The following NCOR2 variants were observed in gnomAD, a reference collection of about 807,000 sequenced individuals.
The protein encoded by NCOR2 is CTG repeat protein 26.
A neutral mutation model predicts 262.9 loss-of-function variants in NCOR2; 81 were observed. That is an observed-to-expected ratio of 0.31 (90% confidence interval 0.26 to 0.37). NCOR2 has a LOEUF of 0.37. Ranked by LOEUF, NCOR2 falls within the 10% of genes least tolerant of loss-of-function variation. NCOR2 has a pLI of 1.00. For synonymous variants in NCOR2, 1,659 were observed against 1,559.3 expected (o/e 1.06, Z -1.51); for missense variants, 3,385 against 3,621.4 (o/e 0.93, Z 1.68).
At chr12:124,423,064 G>T (rs1220408990) in intron 11 of NCOR2, among the ~76,000 whole-genome samples, 1 of 152,222 alleles carries the variant, frequency 6.6e-6, no homozygotes, top group African/African-American at 2.4e-5. Context: ...GCAGGAGGGG[G>T]CTGGCCAGCC....
chr12:124,445,938 C>T lies in NCOR2; in HGVS notation c.815+3877G>A, dbSNP rs142300583. ...ACGTCTGAAACTGAGCCCTAGAGGGCAAGTGACTTCCCACAGGGACACACA... is the reference window on the plus strand; with the variant it reads ...ACGTCTGAAACTGAGCCCTAGAGGGTAAGTGACTTCCCACAGGGACACACA... On this transcript the variant is annotated intron_variant, in intron 7 of 46. Coordinates refer to ENST00000405201, the Ensembl canonical transcript of NCOR2. 3.6e-3 allele frequency among the ~76,000 whole-genome samples: 556 copies of T among 152,332 alleles called. 2 individuals carry two copies. Among genetic ancestry groups the T allele is most frequent in the African/African-American group, 0.013 (530 of 41,576 alleles).
rs1031384417 is a variant in NCOR2, at chr12:124,517,740, G to T, written c.-118+17825C>A. On this transcript the variant is annotated intron_variant, in intron 1 of 46. Transcript: ENST00000404621. The surrounding 1 kb of genome is among the most constrained non-coding windows in gnomAD (Gnocchi z 7.6). Reference sequence around the variant, plus strand: ...GGAGAGGAGCACAGTGCCCACCCGGGTCCCCTCCCACGCGGGCCGGCCAAG... The same window carrying T: ...GGAGAGGAGCACAGTGCCCACCCGGTTCCCCTCCCACGCGGGCCGGCCAAG... Among the ~76,000 whole-genome samples, 1 of 152,220 alleles carries T rather than the reference G, an allele frequency of 6.6e-6. No individual in the cohort carries two copies. Among genetic ancestry groups the T allele is most frequent in the Non-Finnish European group, 1.5e-5 (1 of 68,028 alleles).
At chr12:124,446,297 C>T (rs1381053723) in intron 7 of NCOR2, among the ~76,000 whole-genome samples, 1 of 152,224 alleles carries the variant, frequency 6.6e-6, no homozygotes, top group Non-Finnish European at 1.5e-5. Flanking sequence ...ACCCCCAGGT[C>T]CTTCCTCCCT....
At chr12:124,427,152 C>T (rs910763273) in intron 10 of NCOR2, among the ~76,000 whole-genome samples, 2 of 152,082 alleles carry the variant, frequency 1.3e-5, no homozygotes, top group Admixed American at 6.5e-5. Context: ...GCCCAGGGAG[C>T]CCGGGAGACA....
chr12:124,400,044 C>T (rs1483715063), intron 15 of NCOR2, among the ~76,000 whole-genome samples: 3 of 152,144 alleles, frequency 2.0e-5, no homozygotes, highest in African/African-American at 7.2e-5. Context: ...CGGCTCCCAA[C>T]AACAGCCACC....
intron 13 of NCOR2, among the ~76,000 whole-genome samples, chr12:124,416,263 CA>C (rs2042853558): frequency 6.6e-6 from 1 of 152,160 alleles, no homozygotes; most frequent in South Asian, 2.1e-4. Flanking sequence ...CAAAAATGAG[CA>C]AAAGAAAGAG....
intron 27 of NCOR2, among the ~76,000 whole-genome samples, chr12:124,351,998 C>T (rs751598596): frequency 2.0e-5 from 3 of 152,210 alleles, no homozygotes; most frequent in Admixed American, 6.5e-5. Flanking sequence ...AGATCCTGGT[C>T]TTTGCGGAGG....
intron 27 of NCOR2, among the ~76,000 whole-genome samples, chr12:124,352,801 T>A (rs759318287): frequency 1.3e-5 from 2 of 152,218 alleles, no homozygotes; most frequent in Admixed American, 6.5e-5. Context: ...AAGCTTCTGT[T>A]TGCATAACGT....
At chr12:124,346,497 G>A (rs2036944660) in intron 31 of NCOR2, 67 bp downstream of exon 33, 16 of 1,420,052 alleles carry the variant, frequency 1.1e-5, no homozygotes, top group Non-Finnish European at 1.5e-5. Flanking sequence ...AGAGGCCCAG[G>A]GCAGTGCCCC....
intron 37 of NCOR2, among the ~76,000 whole-genome samples, chr12:124,337,552 G>A (rs1293667367): frequency 1.3e-5 from 2 of 152,222 alleles, no homozygotes. Context: ...ACTGTGTGGA[G>A]GTAGTCAATG....
At chr12:124,501,060 G>GCGCACGCA (rs1555232701) in intron 1 of NCOR2, among the ~76,000 whole-genome samples, 1 of 48,824 alleles carries the variant, frequency 2.0e-5, no homozygotes, top group African/African-American at 5.9e-5. Flanking sequence ...GCGCGCACGC[G>GCGCACGCA]CGCACACACA....
At chr12:124,521,150 C>T (rs1404609112) in intron 1 of NCOR2, among the ~76,000 whole-genome samples, 1 of 152,218 alleles carries the variant, frequency 6.6e-6, no homozygotes, top group Non-Finnish European at 1.5e-5. Flanking sequence ...GATCCAGACC[C>T]ACAGCCGCAG....
intron 16 of NCOR2, among the ~76,000 whole-genome samples, chr12:124,396,806 A>G (rs1216602778): frequency 6.6e-6 from 1 of 152,104 alleles, no homozygotes; most frequent in Non-Finnish European, 1.5e-5. Flanking sequence ...ACAGTGGAGG[A>G]CGGGGCCGGG....
chr12:124,343,072 C>T (rs2036592806), exon 33 of NCOR2: 1 of 1,612,492 alleles, frequency 6.2e-7, no homozygotes, highest in Non-Finnish European at 8.5e-7. Flanking sequence ...GGCTGCGATA[C>T]AGGTCCACGC....
intron 11 of NCOR2, 29 bp downstream of exon 13, chr12:124,426,593 G>A (rs1405285924): frequency 6.5e-7 from 1 of 1,541,824 alleles, no homozygotes. Context: ...GGGGGGCCGG[G>A]AGGCCAGGCC....
chr12:124,530,982 C>T (rs976213874), intron 1 of NCOR2, among the ~76,000 whole-genome samples: 2 of 152,156 alleles, frequency 1.3e-5, no homozygotes, highest in African/African-American at 2.4e-5. Flanking sequence ...GCCCCCAGGC[C>T]CCGAGGACTC....
At chr12:124,384,079 G>A (rs2040614033) in intron 17 of NCOR2, among the ~76,000 whole-genome samples, 1 of 152,186 alleles carries the variant, frequency 6.6e-6, no homozygotes, top group Admixed American at 6.5e-5. Context: ...GGACAGCTGG[G>A]GAGAAAGCAG....
exon 47 of NCOR2, chr12:124,325,062 G>A (rs1396929293): frequency 1.4e-5 from 3 of 211,170 alleles, no homozygotes; most frequent in Admixed American, 1.2e-4. Flanking sequence ...GCGTGGAGGT[G>A]CGTGGTCATC....
intron 3 of NCOR2, among the ~76,000 whole-genome samples, chr12:124,476,576 C>T (rs979889545): frequency 1.3e-5 from 2 of 152,134 alleles, no homozygotes; most frequent in African/African-American, 4.8e-5. Flanking sequence ...GATTTCCATC[C>T]CCAGGGCTAA....
Sources: allele counts gnomAD v4.1 joint callset (sites outside exome capture counted in the v4.1 genomes callset), GRCh38; gene constraint gnomAD v4.1.1; non-coding constraint Gnocchi (gnomAD v3.1); transcripts MANE v1.5; gene names NCBI Gene and HGNC (gene_info 2026-07-23, HGNC 2026-07-21).